Variants in KCNIP4 observed in about 807,000 individuals in gnomAD.
KCNIP4 encodes potassium voltage-gated channel interacting protein 4, also known as Kv channel-interacting protein 4.
In KCNIP4, 12 loss-of-function variants were observed where a neutral mutation model predicts 34.0. The ratio of observed to expected loss-of-function variants is 0.35; its 90% CI spans 0.23 to 0.57. The LOEUF (loss-of-function observed/expected upper bound fraction) is 0.57, where lower values mean the gene tolerates loss of function less well. Among genes scored for constraint, KCNIP4 ranks in the 20% least tolerant of loss-of-function variants. The probability of loss-of-function intolerance (pLI) is 0.83; values close to 1 mark genes in which losing one functional copy is unlikely to be tolerated. For synonymous variants in KCNIP4, 124 were observed against 102.2 expected (o/e 1.21, Z -1.29); for missense variants, 238 against 311.7 (o/e 0.76, Z 1.78).
At chr4:20,742,470 A>G (rs1342779516) in intron 5 of KCNIP4, among the ~76,000 whole-genome samples, 1 of 152,188 alleles carries the variant, frequency 6.6e-6, no homozygotes, top group Non-Finnish European at 1.5e-5. Context: ...CAAAAACCAC[A>G]TGATTATCTC....
At chr4:21,483,513 G>A (rs1731631374) in intron 1 of KCNIP4, among the ~76,000 whole-genome samples, 1 of 152,056 alleles carries the variant, frequency 6.6e-6, no homozygotes, top group African/African-American at 2.4e-5. Context: ...GTGTGGGCCG[G>A]GCGTGGTGGT....
chr4:21,126,198 A>G (rs1381558212), intron 1 of KCNIP4, among the ~76,000 whole-genome samples: 2 of 152,204 alleles, frequency 1.3e-5, no homozygotes, highest in African/African-American at 4.8e-5. Flanking sequence ...GCAGTCTATT[A>G]TGTTATACAA....
At chr4:21,750,844 C>A (rs2109144250) in intron 1 of KCNIP4, among the ~76,000 whole-genome samples, 1 of 152,234 alleles carries the variant, frequency 6.6e-6, no homozygotes, top group East Asian at 1.9e-4. Context: ...TCCTACATGG[C>A]TTCAAACAAT....
intron 3 of KCNIP4, among the ~76,000 whole-genome samples, chr4:20,770,034 T>C (rs1755736604): frequency 6.6e-6 from 1 of 152,164 alleles, no homozygotes; most frequent in African/African-American, 2.4e-5. Context: ...GCTTAGTATT[T>C]GATTGGATAA....
chr4:21,114,349 C>A (rs1036615172), intron 1 of KCNIP4, among the ~76,000 whole-genome samples: 4 of 152,110 alleles, frequency 2.6e-5, no homozygotes, highest in Admixed American at 6.6e-5. Context: ...TTCTTTATTT[C>A]CCTTTTATGT....
intron 1 of KCNIP4, among the ~76,000 whole-genome samples, chr4:21,842,485 C>A (rs911124422): frequency 1.3e-5 from 2 of 152,044 alleles, no homozygotes; most frequent in African/African-American, 4.8e-5. Flanking sequence ...TAACAGTACG[C>A]AATGTTGTAC....
chr4:21,711,206 G>T (rs372919970), intron 1 of KCNIP4, among the ~76,000 whole-genome samples: 1 of 152,216 alleles, frequency 6.6e-6, no homozygotes, highest in East Asian at 1.9e-4. Flanking sequence ...AGACACAGTG[G>T]CTCACGCCTG....
At chr4:20,797,185 G>C (rs771008290) in intron 3 of KCNIP4, among the ~76,000 whole-genome samples, 2 of 152,166 alleles carry the variant, frequency 1.3e-5, no homozygotes, top group Non-Finnish European at 2.9e-5. Context: ...GGAGGTAATA[G>C]GATTTTTCTA....
intron 1 of KCNIP4, among the ~76,000 whole-genome samples, chr4:21,512,091 G>A (rs58075766): frequency 0.021 from 1,362 of 66,342 alleles, 19 homozygotes; most frequent in African/African-American, 0.079. Context: ...GAAGGAAGGA[G>A]GGAGGGAGGG....
At chr4:20,811,149 T>C (rs955085349) in intron 3 of KCNIP4, among the ~76,000 whole-genome samples, 2 of 152,208 alleles carry the variant, frequency 1.3e-5, no homozygotes, top group Admixed American at 1.3e-4. Context: ...TGATATTTGG[T>C]CCAGTTCTCA....
At chr4:21,390,316 A>ATCTT (rs1722450211) in intron 1 of KCNIP4, among the ~76,000 whole-genome samples, 1 of 152,132 alleles carries the variant, frequency 6.6e-6, no homozygotes, top group African/African-American at 2.4e-5. Flanking sequence ...CTTAGATCCC[A>ATCTT]ATTGTCAATT....
intron 1 of KCNIP4, among the ~76,000 whole-genome samples, chr4:21,479,597 C>T (rs1177075150): frequency 2.0e-5 from 3 of 152,062 alleles, no homozygotes; most frequent in African/African-American, 7.2e-5. Context: ...CATACACACA[C>T]ATACAGGTAA....
chr4:21,000,685 C>T (rs1194856848), intron 1 of KCNIP4, among the ~76,000 whole-genome samples: 1 of 150,652 alleles, frequency 6.6e-6, no homozygotes, highest in African/African-American at 2.4e-5. Flanking sequence ...AACTTCGTCT[C>T]AAAGAAGAAA....
Position 20,945,762 on chromosome 4 carries a change from C to T in KCNIP4, c.62-63053G>A, listed in dbSNP as rs557354055. On this transcript the variant is annotated intron_variant, in intron 1 of 8. Coordinates refer to ENST00000382152, the MANE Select transcript of KCNIP4 (RefSeq NM_025221.6). The stretch of plus-strand genomic sequence containing the variant: ...ATAGATGGGCCCCCCAGGGACTCCC[C>T]GACATGTTTCCACTGTTAGAGTTCA... Among the ~76,000 whole-genome samples, 40 of 152,266 alleles carry T rather than the reference C, an allele frequency of 2.6e-4. 1 individual carries two copies. Among genetic ancestry groups the T allele is most frequent in the South Asian group, 2.3e-3 (11 of 4,826 alleles).
At chr4:21,012,376 C>G (rs1739133244) in intron 1 of KCNIP4, among the ~76,000 whole-genome samples, 1 of 152,028 alleles carries the variant, frequency 6.6e-6, no homozygotes. Flanking sequence ...TCCAGGAGTT[C>G]AAGACCAGCC....
chr4:21,637,609 C>G (rs1014434062), intron 1 of KCNIP4, among the ~76,000 whole-genome samples: 2 of 151,844 alleles, frequency 1.3e-5, no homozygotes, highest in South Asian at 2.1e-4. Flanking sequence ...ATGGTAAAAC[C>G]CTGTCTCTAC....
At chr4:21,855,919 C>T (rs1268647651) in intron 1 of KCNIP4, among the ~76,000 whole-genome samples, 1 of 152,190 alleles carries the variant, frequency 6.6e-6, no homozygotes, top group Non-Finnish European at 1.5e-5. Flanking sequence ...CACATACAGT[C>T]TTTTAAAATT....
At chr4:20,838,783 T>C (rs112594972) in intron 3 of KCNIP4, among the ~76,000 whole-genome samples, 2 of 152,262 alleles carry the variant, frequency 1.3e-5, no homozygotes, top group African/African-American at 4.8e-5. Flanking sequence ...AAACCAACTA[T>C]GACTTGAAAG....
chr4:21,167,213 G>A (rs555272809), intron 1 of KCNIP4, among the ~76,000 whole-genome samples: 1 of 152,204 alleles, frequency 6.6e-6, no homozygotes, highest in Non-Finnish European at 1.5e-5. Context: ...AGGTGGTGAG[G>A]AGGGCTGGGA....
Sources: gnomAD v4.1 joint callset for allele counts (sites outside exome capture counted in the v4.1 genomes callset) on GRCh38, gnomAD v4.1.1 for gene constraint, MANE v1.5 for transcripts, NCBI Gene and HGNC (gene_info 2026-07-23, HGNC 2026-07-21) for gene names.